ROBO2: variants seen among roughly 807,000 people sequenced by gnomAD.
The protein encoded by ROBO2 is roundabout guidance receptor 2, also known as roundabout homolog 2.
Under a neutral mutation model 160.8 loss-of-function variants are expected in ROBO2, and 53 were observed. That is an observed-to-expected ratio of 0.33 (90% CI 0.26 to 0.41). The LOEUF (loss-of-function observed/expected upper bound fraction) is 0.41. Among genes scored for constraint, ROBO2 ranks in the 10% least tolerant of loss-of-function variants. The pLI, the probability that ROBO2 is intolerant of heterozygous loss-of-function variation, is 1.00. For missense variants in ROBO2, 1,577 were observed against 1,722.4 expected, an observed-to-expected ratio of 0.92 and a Z score of 1.49; for synonymous variants, 664 against 611.7, an observed-to-expected ratio of 1.09 and a Z score of -1.26.
intron 2 of ROBO2, among the ~76,000 whole-genome samples, chr3:76,266,048 A>T (rs1707081774): frequency 6.6e-6 from 1 of 152,166 alleles, no homozygotes; most frequent in Non-Finnish European, 1.5e-5. Flanking sequence ...AAAAGGATAA[A>T]ATGTGAAGGA....
intron 2 of ROBO2, among the ~76,000 whole-genome samples, chr3:76,107,850 G>C (rs1247376368): frequency 6.6e-6 from 1 of 151,776 alleles, no homozygotes; most frequent in East Asian, 1.9e-4. Flanking sequence ...GTTAATATTT[G>C]TTTTACTCAT....
At position 77,045,306 on chromosome 3, in the gene ROBO2, C is replaced by T. The variant is rs558471690; in HGVS notation, c.61+4460C>T. On this transcript the variant is annotated intron_variant, in intron 1 of 25. Coordinates refer to ENST00000461745, the Ensembl canonical transcript of ROBO2. ...TGTTGGAGTAACGGAGGCCTCAATC[C>T]TTAGTGTTTTCTCCTCCATTTGCAG... Among the ~76,000 whole-genome samples the T allele has an allele frequency of 7.9e-5, 12 of 152,226 alleles. No individual in the cohort carries two copies. The South Asian group carries it at 2.3e-3, about 29-fold the overall frequency.
At chr3:77,165,037 G>A (rs1374359053) in intron 2 of ROBO2, among the ~76,000 whole-genome samples, 2 of 151,978 alleles carry the variant, frequency 1.3e-5, no homozygotes, top group East Asian at 1.9e-4. Flanking sequence ...CCCTCTGCCC[G>A]GCCACCACCC....
intron 2 of ROBO2, among the ~76,000 whole-genome samples, chr3:76,457,063 C>T (rs1421269414): frequency 1.3e-5 from 2 of 152,114 alleles, no homozygotes; most frequent in Non-Finnish European, 2.9e-5. Context: ...ATCATTCTGT[C>T]CCTGGCCCAT....
At chr3:76,582,711 TAGTGTTGGTGGTC>T (rs2085778379) in intron 2 of ROBO2, among the ~76,000 whole-genome samples, 1 of 152,144 alleles carries the variant, frequency 6.6e-6, no homozygotes, top group African/African-American at 2.4e-5. Flanking sequence ...CTTATAATAA[TAGTGTTGGTGGTC>T]AGTATGGTTA....
chr3:77,131,590 A>G (rs1430895502), intron 2 of ROBO2, among the ~76,000 whole-genome samples: 1 of 152,138 alleles, frequency 6.6e-6, no homozygotes, highest in African/African-American at 2.4e-5. Flanking sequence ...ACATAAGGGG[A>G]AATATGTAAC....
chr3:76,127,681 T>C (rs1209816677), intron 2 of ROBO2, among the ~76,000 whole-genome samples: 1 of 151,924 alleles, frequency 6.6e-6, no homozygotes, highest in African/African-American at 2.4e-5. Flanking sequence ...ATCTCATTTA[T>C]CAACGAGTGA....
chr3:76,714,599 C>G (rs1407950635), intron 2 of ROBO2, among the ~76,000 whole-genome samples: 2 of 152,092 alleles, frequency 1.3e-5, no homozygotes, highest in Admixed American at 1.3e-4. Context: ...GGGAACAGAA[C>G]ATGACAGTGT....
chr3:76,150,335 T>C (rs921830894), intron 2 of ROBO2, among the ~76,000 whole-genome samples: 1 of 151,738 alleles, frequency 6.6e-6, no homozygotes, highest in Non-Finnish European at 1.5e-5. Context: ...AAAACACATA[T>C]CTGTCTAAAG....
chr3:76,334,081 T>A (rs890744839), intron 2 of ROBO2, among the ~76,000 whole-genome samples: 2 of 152,174 alleles, frequency 1.3e-5, no homozygotes, highest in Non-Finnish European at 2.9e-5. Context: ...GCATGGCACA[T>A]GTATACGTAT....
intron 2 of ROBO2, among the ~76,000 whole-genome samples, chr3:76,246,794 C>G (rs1576077667): frequency 6.6e-6 from 1 of 152,074 alleles, no homozygotes; most frequent in African/African-American, 2.4e-5. Context: ...TATGTTGACT[C>G]TATTTCTTTT....
Position 76,118,252 on chromosome 3 carries a change from A to G in ROBO2, c.109+180650A>G, listed in dbSNP as rs575239922. Among the ~76,000 whole-genome samples the G allele has an allele frequency of 9.8e-5, 15 of 152,324 alleles. 1 individual carries two copies. In the South Asian group the frequency reaches 2.7e-3, roughly 27 times the overall value. Reference sequence around the variant, plus strand: ...ACCAGGCACAAATTGAGAGAGGGACACAGAGAGACAAGGTCAGTCTTAATT... The same window carrying G: ...ACCAGGCACAAATTGAGAGAGGGACGCAGAGAGACAAGGTCAGTCTTAATT... On this transcript the variant is annotated intron_variant, in intron 2 of 26. Transcript: ENST00000487694.
intron 2 of ROBO2, among the ~76,000 whole-genome samples, chr3:77,434,156 T>C (rs990910419): frequency 6.6e-5 from 10 of 152,096 alleles, no homozygotes; most frequent in African/African-American, 2.4e-4. Flanking sequence ...GCTCTCTTCT[T>C]GGCCTTTTTC....
chr3:76,265,037 C>T (rs531909036), intron 2 of ROBO2, among the ~76,000 whole-genome samples: 2 of 152,078 alleles, frequency 1.3e-5, no homozygotes, highest in Non-Finnish European at 2.9e-5. Context: ...AGAAAATAAA[C>T]GATTTTCAAA....
chr3:76,519,633 C>G (rs112415920), intron 2 of ROBO2, among the ~76,000 whole-genome samples: 3,584 of 152,104 alleles, frequency 0.024, 115 homozygotes, highest in African/African-American at 0.069. Flanking sequence ...CTTTTGTATA[C>G]CCGGGGATTT....
At chr3:76,813,756 T>G (rs574685747) in intron 2 of ROBO2, among the ~76,000 whole-genome samples, 1 of 152,220 alleles carries the variant, frequency 6.6e-6, no homozygotes, top group East Asian at 1.9e-4. Context: ...AGTCTCCCAA[T>G]TTTTGGCATT....
At chr3:77,039,318 G>T (rs913802996), upstream of ROBO2, among the ~76,000 whole-genome samples, 2 of 152,186 alleles carry the variant, frequency 1.3e-5, no homozygotes, top group African/African-American at 2.4e-5. Context: ...CTGGCTAAAA[G>T]GTGAAGAGTG....
chr3:76,752,335 G>A (rs1281863373), intron 2 of ROBO2, among the ~76,000 whole-genome samples: 1 of 151,542 alleles, frequency 6.6e-6, no homozygotes, highest in African/African-American at 2.4e-5. Flanking sequence ...TATACCTAAT[G>A]TTAAATGACG....
At chr3:77,316,082 A>G (rs146767554) in intron 2 of ROBO2, among the ~76,000 whole-genome samples, 260 of 152,320 alleles carry the variant, frequency 1.7e-3, no homozygotes, top group African/African-American at 5.7e-3. Flanking sequence ...CCATGTGATT[A>G]CAATCACGCA....
Sources: allele counts gnomAD v4.1 joint callset (sites outside exome capture counted in the v4.1 genomes callset), GRCh38; gene constraint gnomAD v4.1.1; transcripts MANE v1.5; gene names NCBI Gene and HGNC (gene_info 2026-07-23, HGNC 2026-07-21).